The following SPTA1 variants were observed in gnomAD, a reference collection of about 807,000 sequenced individuals.
SPTA1 encodes the protein spectrin alpha, erythrocytic 1, also known as spectrin alpha chain, erythrocytic 1.
Under a neutral mutation model 324.7 loss-of-function variants are expected in SPTA1, and 177 were observed. That is an observed-to-expected ratio of 0.55 (90% CI 0.48 to 0.62). The LOEUF is 0.62. Ranked by LOEUF, SPTA1 falls within the 20% of genes least tolerant of loss-of-function variation. SPTA1 has a pLI of 0.00. For missense variants in SPTA1, 3,162 were observed against 2,883.6 expected (o/e 1.10, Z -2.21); for synonymous variants, 1,195 against 1,041.3 (o/e 1.15, Z -2.84).
intron 29 of SPTA1, 45 bp downstream of exon 29, chr1:158,645,132 TTGCATAGGAGA>T (rs1423728623): frequency 2.3e-5 from 36 of 1,588,338 alleles, no homozygotes; most frequent in Non-Finnish European, 3.1e-5. Flanking sequence ...CCATATGAAA[TTGCATAGGAGA>T]AACAGACTAC....
chr1:158,653,455 A>G (rs1311899836), intron 21 of SPTA1, 30 bp from the exon 22 acceptor site: 1 of 1,613,246 alleles, frequency 6.2e-7, no homozygotes, highest in Non-Finnish European at 8.5e-7. Flanking sequence ...CCACTCCGTC[A>G]TTAATTCTTG....
chr1:158,624,292 G>A (rs1650119465), intron 42 of SPTA1, among the ~76,000 whole-genome samples: 1 of 152,124 alleles, frequency 6.6e-6, no homozygotes, highest in Admixed American at 6.5e-5. Flanking sequence ...TTGCAACATG[G>A]ACCTGGAAAA....
intron 39 of SPTA1, among the ~76,000 whole-genome samples, chr1:158,631,589 TA>T (rs1490768397): frequency 3.3e-5 from 5 of 151,994 alleles, no homozygotes; most frequent in African/African-American, 4.8e-5. Context: ...CACCTGTACC[TA>T]AAAAAGTATT....
chr1:158,647,754 A>G lies in SPTA1; in HGVS notation c.3715-34T>C, dbSNP rs754833104. On this transcript the variant is annotated intron_variant, in intron 26 of 51. Transcript: ENST00000643759. ...GTACAATAGCTCTGATAATCAGCCTAGAGACACACCTGAATCTTAGCAAAA... is the reference window on the plus strand; with the variant it reads ...GTACAATAGCTCTGATAATCAGCCTGGAGACACACCTGAATCTTAGCAAAA... The G allele has an allele frequency of 1.6e-5, 26 of 1,612,468 alleles. No homozygotes were observed. In the South Asian group the frequency reaches 2.7e-4, roughly 17 times the overall value.
chr1:158,655,224 A>G (rs569794577), intron 20 of SPTA1, among the ~76,000 whole-genome samples: 10 of 152,178 alleles, frequency 6.6e-5, no homozygotes, highest in Admixed American at 5.2e-4. Context: ...CGGACCTTCT[A>G]TTTGAGATAT....
At chr1:158,627,532 A>G (rs1311726000) in intron 40 of SPTA1, 93 bp downstream of exon 40, 11 of 1,215,588 alleles carry the variant, frequency 9.0e-6, no homozygotes, top group Middle Eastern at 1.9e-4. Flanking sequence ...TGATCTTAGC[A>G]CTGCTCTCTG....
intron 35 of SPTA1, among the ~76,000 whole-genome samples, chr1:158,638,952 G>A (rs1230492592): frequency 6.6e-6 from 1 of 152,046 alleles, no homozygotes; most frequent in Non-Finnish European, 1.5e-5. Flanking sequence ...TATCTCTTCT[G>A]TGTCTACTCC....
chr1:158,656,622 T>G lies in SPTA1; in HGVS notation c.2840A>C (p.Asp947Ala). ...CATACTGTCTCCAAATGAATTGAGATCTAATAGAAAGGCCTCATGCTTCTT... is the reference window on the plus strand; with the variant it reads ...CATACTGTCTCCAAATGAATTGAGAGCTAATAGAAAGGCCTCATGCTTCTT... ...LLKKHEAFLL[D>A]LNSFGDSMKA... is the part of the protein sequence containing the mutation. Residue 947 changes from aspartate (D) to alanine (A), a missense_variant, in exon 20 of 52, where the codon GAT becomes GCT. Physicochemically the swap from Asp to Ala is moderately radical, Grantham distance 126 (BLOSUM62 -2). Transcript: ENST00000643759. 1.2e-6 allele frequency: 2 copies of G among 1,613,882 alleles called. No homozygotes were observed. The highest frequency in any genetic ancestry group is 1.7e-6 in the Non-Finnish European group (2 of 1,179,912).
chr1:158,621,623 C>T (rs1416242166), intron 43 of SPTA1, among the ~76,000 whole-genome samples: 1 of 152,100 alleles, frequency 6.6e-6, no homozygotes, highest in African/African-American at 2.4e-5. Context: ...GAAGGAGCTT[C>T]CTATATAGAA....
intron 20 of SPTA1, among the ~76,000 whole-genome samples, chr1:158,656,278 G>T (rs1051986499): frequency 2.0e-5 from 3 of 152,004 alleles, no homozygotes; most frequent in Non-Finnish European, 4.4e-5. Context: ...CATAAATGAA[G>T]AAAAGTAAGA....
chr1:158,617,091 A>G (rs1470428701), intron 47 of SPTA1, among the ~76,000 whole-genome samples: 1 of 152,142 alleles, frequency 6.6e-6, no homozygotes, highest in South Asian at 2.1e-4. Flanking sequence ...TACTTCGCTC[A>G]GTTGTCAAGA....
Position 158,611,030 on chromosome 1 carries a change from A to G in SPTA1, c.*234T>C, listed in dbSNP as rs1649222052. Reference sequence around the variant, plus strand: ...ACCCCTCAGCAGTGACTAGTTGCATACAAAATAGCTTCCACTCCTCCAACT... The same window carrying G: ...ACCCCTCAGCAGTGACTAGTTGCATGCAAAATAGCTTCCACTCCTCCAACT... On this transcript the variant is annotated 3_prime_UTR_variant, in exon 52 of 52. Transcript: ENST00000643759. 1.9e-6 allele frequency: 1 copy of G among 538,210 alleles called. No individual in the cohort carries two copies. The highest frequency in any genetic ancestry group is 3.3e-6 in the Non-Finnish European group (1 of 300,184). The allele number at this position is 538,210 out of a possible 1,614,324, so 33.3% of individuals were successfully genotyped here. A position where few individuals can be genotyped will look rare whatever the true frequency, so the allele number is the denominator to read the frequency against.
At chr1:158,619,436 GT>G in intron 44 of SPTA1, 102 bp from the exon 45 acceptor site, 1 of 1,130,354 alleles carries the variant, frequency 8.8e-7, no homozygotes. Context: ...CCTCTCTCAA[GT>G]CTAACCTATC....
chr1:158,626,261 G>A, intron 41 of SPTA1, 39 bp from the exon 42 acceptor site: 2 of 1,596,470 alleles, frequency 1.3e-6, no homozygotes, highest in South Asian at 1.1e-5. Context: ...AAGACATTTG[G>A]TCTTGTTTGA....
At position 158,626,237 on chromosome 1, in the gene SPTA1, CAATT is replaced by C. The variant is rs1650256870; in HGVS notation, c.5834-19_5834-16del. On this transcript the variant is annotated splice_polypyrimidine_tract_variant and intron_variant, in intron 41 of 51. Transcript: ENST00000643759. The stretch of plus-strand genomic sequence containing the variant: ...TTCCTTATCAGCTAAAAGGCAAAAA[CAATT>C]AAGAAGAGAAAGACATTTGGTCTTG... 1 of 1,612,256 alleles carries C rather than the reference CAATT, an allele frequency of 6.2e-7. No homozygotes were observed. Among genetic ancestry groups the C allele is most frequent in the Non-Finnish European group, 8.5e-7 (1 of 1,178,732 alleles).
chr1:158,636,395 T>C (rs1171391811), intron 37 of SPTA1, among the ~76,000 whole-genome samples: 5 of 152,142 alleles, frequency 3.3e-5, no homozygotes, highest in African/African-American at 9.7e-5. Flanking sequence ...ATCCCAATTG[T>C]CAATCATTCC....
chr1:158,684,290 A>G (rs1655019916), intron 2 of SPTA1, among the ~76,000 whole-genome samples: 1 of 152,082 alleles, frequency 6.6e-6, no homozygotes, highest in Non-Finnish European at 1.5e-5. Flanking sequence ...TGAGTTAACC[A>G]GGTTAACTAA....
chr1:158,635,972 C>T lies in SPTA1; in HGVS notation c.5373G>A (p.Gln1791=). Residue 1791 remains glutamine, a synonymous_variant, in exon 38 of 52, where the codon CAG becomes CAA. Transcript: ENST00000643759. ...GTTCAACAAACTGAGCCAGCCGCAA[C>T]TGGATCTCCTCTTGCCCCACAGCAG... is the stretch of plus-strand genomic sequence containing the variant. ...DKAAVGQEEI[Q]LRLAQFVEHW... 6.2e-7 allele frequency: 1 copy of T among 1,614,206 alleles called. No homozygotes were observed. The highest frequency in any genetic ancestry group is 8.5e-7 in the Non-Finnish European group (1 of 1,180,034).
At chr1:158,655,419 C>T (rs2101871501) in intron 20 of SPTA1, among the ~76,000 whole-genome samples, 1 of 152,270 alleles carries the variant, frequency 6.6e-6, no homozygotes, top group South Asian at 2.1e-4. Flanking sequence ...AACCCCTCTT[C>T]CTAAGGAATG....
Sources: allele counts gnomAD v4.1 joint callset (sites outside exome capture counted in the v4.1 genomes callset), GRCh38; gene constraint gnomAD v4.1.1; transcripts MANE v1.5; gene names NCBI Gene and HGNC (gene_info 2026-07-23, HGNC 2026-07-21).